Variants in ARID1A observed in about 807,000 individuals in gnomAD.
ARID1A encodes AT-rich interactive domain-containing protein 1A.
In ARID1A, 20 loss-of-function variants were observed where a neutral mutation model predicts 212.6. The observed-to-expected ratio is 0.09, with a 90% CI of 0.07 to 0.14. The LOEUF is 0.14. ARID1A is among the 10% of genes least tolerant of loss of function. The pLI is 1.00. For missense variants in ARID1A, 2,587 were observed against 3,059.0 expected (o/e 0.85, Z 3.64); for synonymous variants, 1,376 against 1,222.1 (o/e 1.13, Z -2.63).
At chr1:26,756,275 G>A (rs2080935524) in intron 4 of ARID1A, among the ~76,000 whole-genome samples, 1 of 151,910 alleles carries the variant, frequency 6.6e-6, no homozygotes, top group Non-Finnish European at 1.5e-5. Context: ...TAGCCGGGGG[G>A]CCAGGCGTGG....
In ARID1A at chr1:26,779,657, G is replaced by T. The variant is rs2124142539; in HGVS notation, c.5759G>T (p.Ser1920Ile). 6.2e-7 allele frequency: 1 copy of T among 1,614,104 alleles called. No individual in the cohort carries two copies. The highest frequency in any genetic ancestry group is 8.5e-7 in the Non-Finnish European group (1 of 1,180,034). ...GATGACATGTTGTCTACTCGGTCTA[G>T]CACCTTGACCGAGGATGGAGCTAAG... ...TMDDMLSTRS[S>I]TLTEDGAKSS... Residue 1920 changes from serine (S) to isoleucine (I), a missense_variant, in exon 20 of 20, where the codon AGC (serine) becomes ATC (isoleucine). Ser to Ile is a moderately radical substitution (Grantham distance 142). Transcript: ENST00000324856.
chr1:26,713,149 A>C (rs1414478457), intron 1 of ARID1A, among the ~76,000 whole-genome samples: 2 of 152,130 alleles, frequency 1.3e-5, no homozygotes, highest in Admixed American at 1.3e-4. Context: ...TTGTGTGTGC[A>C]TGTGTGTTTT....
At chr1:26,737,244 G>A (rs1259071643) in intron 4 of ARID1A, among the ~76,000 whole-genome samples, 4 of 152,014 alleles carry the variant, frequency 2.6e-5, no homozygotes, top group East Asian at 3.9e-4. Flanking sequence ...AGCCTCCTGA[G>A]TAGCTGGGAC....
chr1:26,732,552 A>T, intron 3 of ARID1A, 124 bp from the exon 4 acceptor site: 1 of 718,850 alleles, frequency 1.4e-6, no homozygotes, highest in Non-Finnish European at 2.4e-6. Context: ...TTCACATAAT[A>T]CTTTTCGCAA....
intron 1 of ARID1A, among the ~76,000 whole-genome samples, chr1:26,715,115 G>A (rs2080489518): frequency 6.6e-6 from 1 of 152,232 alleles, no homozygotes; most frequent in Non-Finnish European, 1.5e-5. Flanking sequence ...AAGAATGGGA[G>A]AAGTTAGAGA....
intron 1 of ARID1A, among the ~76,000 whole-genome samples, chr1:26,719,052 C>G (rs1332025533): frequency 6.6e-6 from 1 of 152,092 alleles, no homozygotes; most frequent in Non-Finnish European, 1.5e-5. Context: ...TCCTGTAGAT[C>G]CAAAGCATTT....
At position 26,780,531 on chromosome 1, in the gene ARID1A, C is replaced by G. The variant is rs771292874; in HGVS notation, c.6633C>G (p.Ser2211Arg). 1 of 1,614,176 alleles carries G rather than the reference C, an allele frequency of 6.2e-7. No individual in the cohort carries two copies. The highest frequency in any genetic ancestry group is 2.2e-5 in the East Asian group (1 of 44,878). ...DSLAATQFQQ[S>R]QASLLHMQNP... ...TTGCCGCCACACAGTTCCAGCAGAG[C>G]CAGGCCAGCCTCCTCCACATGCAGA... The change falls in exon 20 of 20, where the codon AGC (serine) becomes AGG (arginine). Residue 2211 changes from serine to arginine, a missense_variant. Coordinates refer to ENST00000324856, the MANE Select transcript of ARID1A (RefSeq NM_006015.6). The surrounding 1 kb of genome is among the most constrained non-coding windows in gnomAD (Gnocchi z 7.2).
At chr1:26,728,130 T>C (rs747214078) in intron 1 of ARID1A, among the ~76,000 whole-genome samples, 1 of 152,198 alleles carries the variant, frequency 6.6e-6, no homozygotes, top group East Asian at 1.9e-4. Context: ...GTAGTAGTGA[T>C]TTGGGACACA....
Position 26,696,986 on chromosome 1 carries a change from T to C in ARID1A, c.583T>C (p.Tyr195His). ...QSGGGGGLEP[Y>H]AGPQQNSHDH... is the part of the protein sequence containing the mutation. Reference sequence around the variant, plus strand: ...CGGCGGCGGCGGGGGCCTGGAGCCCTACGCGGGGCCCCAGCAGAACTCTCA... The same window carrying C: ...CGGCGGCGGCGGGGGCCTGGAGCCCCACGCGGGGCCCCAGCAGAACTCTCA... The change falls in exon 1 of 20, where the codon TAC (tyrosine) becomes CAC (histidine). Residue 195 changes from tyrosine (Y) to histidine (H), a missense_variant. Physicochemically the swap from Tyr to His is moderately conservative, Grantham distance 83. Coordinates refer to ENST00000324856, the MANE Select transcript of ARID1A (RefSeq NM_006015.6). The C allele has an allele frequency of 1.3e-6, 2 of 1,505,188 alleles. No homozygotes were observed. The highest frequency in any genetic ancestry group is 1.8e-6 in the Non-Finnish European group (2 of 1,130,450). 93.2% of individuals were successfully genotyped at this position (1,505,188 alleles called of 1,614,324 possible).
chr1:26,713,858 TAC>T (rs2080476872), intron 1 of ARID1A, among the ~76,000 whole-genome samples: 1 of 152,246 alleles, frequency 6.6e-6, no homozygotes, highest in Non-Finnish European at 1.5e-5. Flanking sequence ...TGTTTTTCTT[TAC>T]AGTTTGTGAT....
At chr1:26,711,623 T>TA (rs1340698906) in intron 1 of ARID1A, among the ~76,000 whole-genome samples, 2 of 152,242 alleles carry the variant, frequency 1.3e-5, no homozygotes, top group African/African-American at 4.8e-5. Context: ...GATGGACCTT[T>TA]ACTAGTGCAG....
In ARID1A at chr1:26,749,712, T is replaced by A. The variant is rs182913743; in HGVS notation, c.1921-11144T>A. 3.9e-5 allele frequency among the ~76,000 whole-genome samples: 6 copies of A among 152,370 alleles called. 1 individual carries two copies. The East Asian group carries it at 9.6e-4, about 24-fold the overall frequency. On this transcript the variant is annotated intron_variant, in intron 4 of 19. Transcript: ENST00000324856. ...AAATTTCTCCAGTGACACAGAGCCC[T>A]GCCTCTGGCAGCCTCCTTTCCAGAC...
At chr1:26,702,174 A>C (rs2080337391) in intron 1 of ARID1A, among the ~76,000 whole-genome samples, 1 of 148,452 alleles carries the variant, frequency 6.7e-6, no homozygotes, top group Non-Finnish European at 1.5e-5. Context: ...AGTTTTGCTG[A>C]GAGAGAAGCA....
intron 4 of ARID1A, among the ~76,000 whole-genome samples, chr1:26,735,423 G>A (rs1346506410): frequency 6.6e-6 from 1 of 152,206 alleles, no homozygotes; most frequent in Non-Finnish European, 1.5e-5. Flanking sequence ...CTCCCGAGTA[G>A]CTGGGATTAC....
rs373690941 is a variant in ARID1A, at chr1:26,762,218, C to T, written c.2318C>T (p.Pro773Leu). 23 of 1,614,070 alleles carry T rather than the reference C, an allele frequency of 1.4e-5. No individual in the cohort carries two copies. Among genetic ancestry groups the T allele is most frequent in the South Asian group, 2.2e-5 (2 of 91,084 alleles). ...SSPQPGSALS[P>L]RQPSGGQIHT... is the part of the protein sequence containing the mutation. ...CCCCAGCCCGGCTCAGCCTTATCTCCGCGTCAGCCTTCCGGAGGACAGATA... is the reference window on the plus strand; with the variant it reads ...CCCCAGCCCGGCTCAGCCTTATCTCTGCGTCAGCCTTCCGGAGGACAGATA... Residue 773 changes from proline (P) to leucine (L), a missense_variant, in exon 7 of 20, where the codon CCG becomes CTG. This residue lies in a region of ARID1A where 674 missense variants were observed against 813.4 expected (regional missense o/e 0.83). Transcript: ENST00000324856.
At chr1:26,732,339 C>A (rs907867439) in intron 3 of ARID1A, among the ~76,000 whole-genome samples, 3 of 152,184 alleles carry the variant, frequency 2.0e-5, no homozygotes, top group East Asian at 1.9e-4. Context: ...AAGCAGTACT[C>A]ATTTTAATGC....
chr1:26,721,579 G>T (rs1027247282), intron 1 of ARID1A, among the ~76,000 whole-genome samples: 4 of 152,170 alleles, frequency 2.6e-5, no homozygotes. Context: ...TTTGTAATTT[G>T]TTTGAAATAG....
Position 26,779,125 on chromosome 1 carries a change from A to G in ARID1A, c.5227A>G (p.Thr1743Ala), listed in dbSNP as rs754568117. ...TGAGGTGGGTGACCCAGGACAGAGAACGCTACTGGATCCTGGGAGGTTCAG... is the reference window on the plus strand; with the variant it reads ...TGAGGTGGGTGACCCAGGACAGAGAGCGCTACTGGATCCTGGGAGGTTCAG... ...EYEVGDPGQRTLLDPGRFSKV... is the reference protein window; with the variant it reads ...EYEVGDPGQRALLDPGRFSKV... The change falls in exon 20 of 20, where the codon ACG (threonine) becomes GCG (alanine). Residue 1743 changes from threonine (T) to alanine (A), a missense_variant. Thr to Ala is a moderately conservative substitution (Grantham distance 58). This residue lies in a region of ARID1A where 890 missense variants were observed against 1,098.2 expected (regional missense o/e 0.81). Coordinates refer to ENST00000324856, the MANE Select transcript of ARID1A (RefSeq NM_006015.6). 1 of 1,570,660 alleles carries G rather than the reference A, an allele frequency of 6.4e-7. No homozygotes were observed. The highest frequency in any genetic ancestry group is 1.2e-5 in the South Asian group (1 of 84,870).
intron 1 of ARID1A, among the ~76,000 whole-genome samples, chr1:26,724,267 C>A (rs572092875): frequency 6.6e-6 from 1 of 152,252 alleles, no homozygotes; most frequent in South Asian, 2.1e-4. Context: ...CTCTGATGGA[C>A]ACCTTTTTGG....
Sources: allele counts gnomAD v4.1 joint callset (sites outside exome capture counted in the v4.1 genomes callset), GRCh38; gene constraint gnomAD v4.1.1; regional missense constraint gnomAD v4.1.1; non-coding constraint Gnocchi (gnomAD v3.1); transcripts MANE v1.5; gene names NCBI Gene and HGNC (gene_info 2026-07-23, HGNC 2026-07-21).